The following PTPRS variants were observed in gnomAD, a reference collection of about 807,000 sequenced individuals.
PTPRS encodes the protein protein tyrosine phosphatase receptor type S.
In PTPRS, 63 loss-of-function variants were observed where a neutral mutation model predicts 215.3. The observed-to-expected ratio is 0.29, with a 90% CI of 0.24 to 0.36. The LOEUF (loss-of-function observed/expected upper bound fraction) is 0.36. Among genes scored for constraint, PTPRS ranks in the 10% least tolerant of loss-of-function variants. PTPRS has a pLI of 1.00. For missense variants in PTPRS, 2,258 were observed against 2,825.8 expected (o/e 0.80, Z 4.56); for synonymous variants, 1,404 against 1,191.4 (o/e 1.18, Z -3.68).
chr19:5,280,688 T>A (rs939286885), intron 2 of PTPRS, among the ~76,000 whole-genome samples: 12 of 152,046 alleles, frequency 7.9e-5, no homozygotes, highest in African/African-American at 2.9e-4. Flanking sequence ...GCCATTGCAT[T>A]CCAGCCTGGG....
chr19:5,236,568 T>C (rs1351774107), intron 13 of PTPRS, among the ~76,000 whole-genome samples: 1 of 152,208 alleles, frequency 6.6e-6, no homozygotes, highest in African/African-American at 2.4e-5. Context: ...GCTTGCTTGG[T>C]GGCTGAGCAC....
chr19:5,229,467 G>GC (rs1432887065), intron 15 of PTPRS, 24 bp downstream of exon 15: 6 of 1,393,090 alleles, frequency 4.3e-6, no homozygotes, highest in Non-Finnish European at 5.6e-6. Flanking sequence ...CCCGTCCCCG[G>GC]CCCCGCCCCG....
chr19:5,273,398 C>T, intron 4 of PTPRS, 44 bp downstream of exon 4: 2 of 1,613,300 alleles, frequency 1.2e-6, no homozygotes, highest in Non-Finnish European at 1.7e-6. Flanking sequence ...TCCCCAAAGC[C>T]CAGGGCCCAG....
chr19:5,305,761 A>T lies in PTPRS; in HGVS notation c.-94-19527T>A, dbSNP rs1268621540. 1.4e-3 allele frequency among the ~76,000 whole-genome samples: 162 copies of T among 116,986 alleles called. 1 individual carries two copies. Among genetic ancestry groups the T allele is most frequent in the East Asian group, 9.6e-3 (44 of 4,566 alleles). The allele number at this position is 116,986 out of a possible 152,430, so 76.7% of individuals were successfully genotyped here. On this transcript the variant is annotated intron_variant, in intron 1 of 37. Transcript: ENST00000262963. ...TAAATAAATAAATATATATATATAT[A>T]TATATTTTTTTTTTAAAGGCAAATT...
intron 9 of PTPRS, among the ~76,000 whole-genome samples, chr19:5,246,790 T>G (rs1354799137): frequency 1.3e-5 from 2 of 152,218 alleles, no homozygotes; most frequent in Non-Finnish European, 2.9e-5. Flanking sequence ...TTGTGGTTTT[T>G]GGGTATAGAA....
In PTPRS at chr19:5,222,753, G is replaced by A. The variant is rs993509938; in HGVS notation, c.3039C>T (p.His1013=). ...TGAAGGGGCCAGGGCCCCGGCGCGT[G>A]TGGGCTCGCACTTGGAGGTCATAGG... ...DTAYDLQVRA[H]TRRGPGPFSP... Residue 1013 remains histidine, a synonymous_variant, in exon 18 of 38, where the codon CAC becomes CAT. Coordinates refer to ENST00000262963, the MANE Select transcript of PTPRS (RefSeq NM_002850.4). 26 of 1,598,620 alleles carry A rather than the reference G, an allele frequency of 1.6e-5. No individual in the cohort carries two copies. The African/African-American group carries it at 1.7e-4, about 11-fold the overall frequency.
At chr19:5,321,398 A>G (rs2050020691) in intron 1 of PTPRS, among the ~76,000 whole-genome samples, 1 of 152,198 alleles carries the variant, frequency 6.6e-6, no homozygotes, top group Non-Finnish European at 1.5e-5. Context: ...ACCCAGTGAC[A>G]TGGGCCCATT....
Position 5,229,670 on chromosome 19 carries a change from G to A in PTPRS, c.2170C>T (p.Pro724Ser). The A allele has an allele frequency of 7.9e-7, 1 of 1,272,950 alleles. No homozygotes were observed. Among genetic ancestry groups the A allele is most frequent in the Non-Finnish European group, 9.9e-7 (1 of 1,014,192 alleles). 78.9% of individuals were successfully genotyped at this position (1,272,950 alleles called of 1,614,324 possible). A position where few individuals can be genotyped will look rare whatever the true frequency, so the allele number is the denominator to read the frequency against. The change falls in exon 15 of 38, where the codon CCG (proline) becomes TCG (serine). Residue 724 changes from proline (P) to serine (S), a missense_variant. Pro to Ser is a moderately conservative substitution (Grantham distance 74, BLOSUM62 -1). This residue lies in a region of PTPRS where 371 missense variants were observed against 446.7 expected (regional missense o/e 0.83). Coordinates refer to ENST00000262963, the MANE Select transcript of PTPRS (RefSeq NM_002850.4). Reference sequence around the variant, plus strand: ...AGCGCCTCCGCCTCCACCTTCCGCGGCGGCGCGCTGGGCACTGGCGGGCGG... The same window carrying A: ...AGCGCCTCCGCCTCCACCTTCCGCGACGGCGCGCTGGGCACTGGCGGGCGG... The part of the protein sequence containing the change: ...RTDEDVPSAP[P>S]RKVEAEALNA...
intron 2 of PTPRS, among the ~76,000 whole-genome samples, chr19:5,282,901 C>G (rs868561612): frequency 3.4e-4 from 51 of 152,056 alleles, no homozygotes; most frequent in African/African-American, 1.1e-3. Context: ...CCTTGAAAAT[C>G]ACGCAGGCTG....
intron 4 of PTPRS, among the ~76,000 whole-genome samples, chr19:5,269,724 C>G (rs1244309113): frequency 1.3e-5 from 2 of 152,026 alleles, no homozygotes; most frequent in African/African-American, 4.8e-5. Flanking sequence ...AGTTCAAGAC[C>G]AGTCTGACCA....
chr19:5,283,422 C>T (rs1416529914), intron 2 of PTPRS, among the ~76,000 whole-genome samples: 2 of 152,002 alleles, frequency 1.3e-5, no homozygotes, highest in Non-Finnish European at 2.9e-5. Flanking sequence ...ACTAAAAATA[C>T]AAAAATTAGC....
chr19:5,270,726 C>T (rs1246655371), intron 4 of PTPRS, among the ~76,000 whole-genome samples: 2 of 152,150 alleles, frequency 1.3e-5, no homozygotes, highest in African/African-American at 2.4e-5. Flanking sequence ...CAGCCTCCGC[C>T]TCCCGGGTTC....
At chr19:5,219,060 C>G in intron 23 of PTPRS, 1 of 643,072 alleles carries the variant, frequency 1.6e-6, no homozygotes, top group Non-Finnish European at 2.6e-6. Flanking sequence ...CAGGCAGCCT[C>G]TACCCCAAAT....
At chr19:5,259,732 T>C (rs1364927221) in intron 7 of PTPRS, among the ~76,000 whole-genome samples, 1 of 152,218 alleles carries the variant, frequency 6.6e-6, no homozygotes, top group African/African-American at 2.4e-5. Context: ...TCACAGCCTA[T>C]GGCACCAGGG....
intron 1 of PTPRS, among the ~76,000 whole-genome samples, chr19:5,305,261 A>G (rs1022410654): frequency 6.6e-6 from 1 of 152,118 alleles, no homozygotes; most frequent in African/African-American, 2.4e-5. Context: ...AACAGCTATT[A>G]TTTGCCGAGC....
rs141589112 is a variant in PTPRS, at chr19:5,242,789, T to C, written c.1570+1112A>G. On this transcript the variant is annotated intron_variant, in intron 11 of 37. Transcript: ENST00000262963. The stretch of plus-strand genomic sequence containing the variant: ...ATAGCTCACTGCAGCTTTGAACTCC[T>C]GGGCTCCAGTGATCCTCTCATCTCA... Among the ~76,000 whole-genome samples the C allele has an allele frequency of 1.8e-3, 268 of 152,276 alleles. 1 individual carries two copies. The highest frequency in any genetic ancestry group is 6.4e-3 in the African/African-American group (265 of 41,558).
chr19:5,321,588 C>A (rs2050025604), intron 1 of PTPRS, among the ~76,000 whole-genome samples: 3 of 152,222 alleles, frequency 2.0e-5, no homozygotes, highest in African/African-American at 7.2e-5. Context: ...CTCGTGAGTA[C>A]CCACTGTGTG....
At chr19:5,336,017 G>GA (rs59078850) in intron 1 of PTPRS, among the ~76,000 whole-genome samples, 9,437 of 139,670 alleles carry the variant, frequency 0.068, 421 homozygotes, top group East Asian at 0.2. Flanking sequence ...GGAGGAGGAG[G>GA]AAAAAAAAAA....
At chr19:5,216,121 T>A (rs2041422148) in intron 26 of PTPRS, among the ~76,000 whole-genome samples, 1 of 151,970 alleles carries the variant, frequency 6.6e-6, no homozygotes, top group Middle Eastern at 3.4e-3. Context: ...GGGGAAACAG[T>A]ATGTGTGTGT....
Sources: gnomAD v4.1 joint callset for allele counts (sites outside exome capture counted in the v4.1 genomes callset) on GRCh38, gnomAD v4.1.1 for gene constraint, gnomAD v4.1.1 regional missense constraint, MANE v1.5 for transcripts, NCBI Gene and HGNC (gene_info 2026-07-23, HGNC 2026-07-21) for gene names.